TNS2: variants seen among roughly 807,000 people sequenced by gnomAD.
TNS2 encodes the protein tensin 2.
TNS2 carries 77 observed loss-of-function variants against 155.7 expected under a neutral mutation model. The observed-to-expected ratio is 0.49, with a 90% CI of 0.41 to 0.60. The LOEUF is 0.60. Among genes scored for constraint, TNS2 ranks in the 20% least tolerant of loss-of-function variants. TNS2 has a pLI of 0.00. For synonymous variants in TNS2, 726 were observed against 763.9 expected, an observed-to-expected ratio of 0.95 and a Z score of 0.82; for missense variants, 1,703 against 1,868.8, an observed-to-expected ratio of 0.91 and a Z score of 1.64.
rs763260776 is a variant in TNS2 at position 53,059,379 on chromosome 12, G to C, written c.1738G>C (p.Val580Leu). Residue 580 changes from valine (V) to leucine (L), a missense_variant, in exon 18 of 29, where the codon GTG (valine) becomes CTG (leucine). Physicochemically the swap from Val to Leu is conservative, Grantham distance 32. Coordinates refer to ENST00000314250, the MANE Select transcript of TNS2 (RefSeq NM_170754.4). The surrounding 1 kb of genome is among the most constrained non-coding windows in gnomAD (Gnocchi z 4.7). ...PTVGGGPHLG[V>L]YPGHRPGLSR... ...TGTGGGCGGAGGCCCCCACCTCGGA[G>C]TGTATCCAGGCCATAGGCCTGGCCT... 5.1e-4 allele frequency: 740 copies of C among 1,457,992 alleles called. 1 individual carries two copies. The highest frequency in any genetic ancestry group is 2.9e-3 in the Middle Eastern group (16 of 5,508). The allele number at this position is 1,457,992 out of a possible 1,614,324, so 90.3% of individuals were successfully genotyped here. A position where few individuals can be genotyped will look rare whatever the true frequency, so the allele number is the denominator to read the frequency against.
chr12:53,057,097 G>T lies in TNS2; in HGVS notation c.845+1G>T. On this transcript the variant is annotated splice_donor_variant, in intron 11 of 28. Coordinates refer to ENST00000314250, the MANE Select transcript of TNS2 (RefSeq NM_170754.4). LOFTEE classifies it high-confidence loss of function. ...CAGAACTGCAGCCCTCCCAGCGTCG[G>T]TGAGCAGCCTGGGTGGGGATGGGCC... is the stretch of plus-strand genomic sequence containing the variant. The T allele has an allele frequency of 6.2e-7, 1 of 1,611,680 alleles. No individual in the cohort carries two copies. Among genetic ancestry groups the T allele is most frequent in the African/African-American group, 1.3e-5 (1 of 74,996 alleles).
intron 10 of TNS2, 152 bp from the exon 11 acceptor site, chr12:53,056,861 T>C: frequency 1.5e-6 from 1 of 662,294 alleles, no homozygotes; most frequent in South Asian, 2.4e-5. Context: ...GTAAAGTGAC[T>C]GTACATGGTG....
Position 53,059,745 on chromosome 12 carries a change from G to C in TNS2, c.2104G>C (p.Ala702Pro), listed in dbSNP as rs1270033738. 1.9e-6 allele frequency: 3 copies of C among 1,613,016 alleles called. No individual in the cohort carries two copies. The highest frequency in any genetic ancestry group is 4.5e-5 in the East Asian group (2 of 44,862). Residue 702 changes from alanine to proline, a missense_variant, in exon 18 of 29, where the codon GCA becomes CCA. Transcript: ENST00000314250. This position sits in a 1 kb window ranked among gnomAD's most constrained non-coding sequence, Gnocchi z 4.7. The part of the protein sequence containing the change: ...ACEEKLALPT[A>P]ALYGLRLERE... ...CGAGGAGAAGCTGGCGCTGCCTACAGCAGCCTTGTATGGACTGCGGCTGGA... is the reference window on the plus strand; with the variant it reads ...CGAGGAGAAGCTGGCGCTGCCTACACCAGCCTTGTATGGACTGCGGCTGGA...
chr12:53,057,456 G>A (rs1565606425), intron 11 of TNS2, 111 bp from the exon 12 acceptor site: 2 of 844,290 alleles, frequency 2.4e-6, no homozygotes, highest in Non-Finnish European at 3.8e-6. Context: ...CGGAAGATGG[G>A]AAGGAAGTGT....
At position 53,060,226 on chromosome 12, in the gene TNS2, A is replaced by G. The variant is rs1391830289; in HGVS notation, c.2585A>G (p.His862Arg). 5.8e-6 allele frequency: 9 copies of G among 1,553,338 alleles called. No individual in the cohort carries two copies. Among genetic ancestry groups the G allele is most frequent in the Non-Finnish European group, 7.8e-6 (9 of 1,148,366 alleles). ...GGGGACAGGTACCCATTGCCTGGGC[A>G]CCTGGCCTCAGCAGGACCTTTGGCA... ...EGGDRYPLPG[H>R]LASAGPLASA... The change falls in exon 18 of 29, where the codon CAC becomes CGC. Residue 862 changes from histidine (H) to arginine (R), a missense_variant. Physicochemically the swap from His to Arg is conservative, Grantham distance 29 (BLOSUM62 0). Coordinates refer to ENST00000314250, the MANE Select transcript of TNS2 (RefSeq NM_170754.4). This position sits in a 1 kb window ranked among gnomAD's most constrained non-coding sequence, Gnocchi z 6.1.
Position 53,064,123 on chromosome 12 carries a change from G to T in TNS2, c.*241G>T. 2.0e-6 allele frequency: 1 copy of T among 508,890 alleles called. No individual in the cohort carries two copies. Among genetic ancestry groups the T allele is most frequent in the Non-Finnish European group, 3.5e-6 (1 of 287,196 alleles). 31.5% of individuals were successfully genotyped at this position (508,890 alleles called of 1,614,324 possible). A position where few individuals can be genotyped will look rare whatever the true frequency, so the allele number is the denominator to read the frequency against. On this transcript the variant is annotated 3_prime_UTR_variant, in exon 29 of 29. Transcript: ENST00000314250. The stretch of plus-strand genomic sequence containing the variant: ...AGATGGCAGAGATGGGTGTGTGAGG[G>T]GTGAGGAGGCATCAGCAGTTGAGCC...
chr12:53,058,704 C>A lies in TNS2; in HGVS notation c.1292-10C>A, dbSNP rs758098057. ...CCCCTGCTCCCCAATACCCGAGTGGCCTTCCACAGGCAGCACTCCACGGAA... is the reference window on the plus strand; with the variant it reads ...CCCCTGCTCCCCAATACCCGAGTGGACTTCCACAGGCAGCACTCCACGGAA... On this transcript the variant is annotated splice_polypyrimidine_tract_variant and intron_variant, in intron 16 of 28. Transcript: ENST00000314250. 18 of 1,613,896 alleles carry A rather than the reference C, an allele frequency of 1.1e-5. No homozygotes were observed. The Admixed American group carries it at 2.5e-4, about 22-fold the overall frequency.
chr12:53,054,386 G>A lies in TNS2; in HGVS notation c.467G>A (p.Gly156Asp), dbSNP rs201936963. 1.3e-5 allele frequency: 21 copies of A among 1,610,782 alleles called. No homozygotes were observed. Among genetic ancestry groups the A allele is most frequent in the South Asian group, 3.3e-5 (3 of 90,978 alleles). ...PARPDEQRHRGHLRELAHVLQ... is the reference protein window; with the variant it reads ...PARPDEQRHRDHLRELAHVLQ... ...CGGCCCGATGAACAGCGGCACCGGGGCCACCTGCGCGAGCTGGCCCATGTG... is the reference window on the plus strand; with the variant it reads ...CGGCCCGATGAACAGCGGCACCGGGACCACCTGCGCGAGCTGGCCCATGTG... The change falls in exon 7 of 29, where the codon GGC (glycine) becomes GAC (aspartate). Residue 156 changes from glycine to aspartate, a missense_variant. By Grantham distance (94) the Gly-to-Asp change is moderately conservative. Transcript: ENST00000314250.
In TNS2 at chr12:53,061,098, CACCAA is replaced by C; in HGVS notation, c.3193_3197del (p.Thr1065TrpfsTer3). ...CTTTCCCCCTGGCTGCCTCCTATGA[CACCAA>C]TGGCCTTAGCCAGCCCCCACTTCCT... On this transcript the variant is annotated frameshift_variant, in exon 20 of 29. Coordinates refer to ENST00000314250, the MANE Select transcript of TNS2 (RefSeq NM_170754.4). LOFTEE classifies it high-confidence loss of function. 1 of 1,611,358 alleles carries C rather than the reference CACCAA, an allele frequency of 6.2e-7. No individual in the cohort carries two copies. The highest frequency in any genetic ancestry group is 8.5e-7 in the Non-Finnish European group (1 of 1,178,766).
At chr12:53,047,516 G>A (rs1565598390), upstream of TNS2, among the ~76,000 whole-genome samples, 2 of 149,154 alleles carry the variant, frequency 1.3e-5, no homozygotes, top group Non-Finnish European at 3.0e-5. Context: ...GGCTGGGGCC[G>A]GGGGCTCTGG....
At position 53,058,759 on chromosome 12, in the gene TNS2, C is replaced by A; in HGVS notation, c.1337C>A (p.Thr446Asn). The change falls in exon 17 of 29, where the codon ACC becomes AAC. Residue 446 changes from threonine (T) to asparagine (N), a missense_variant. Physicochemically the swap from Thr to Asn is moderately conservative, Grantham distance 65 (BLOSUM62 0). Coordinates refer to ENST00000314250, the MANE Select transcript of TNS2 (RefSeq NM_170754.4). ...NDPSVSVDYN[T>N]TEPAVRWDSY... ...CCCTCGGTCTCTGTCGACTACAACA[C>A]CACTGAGCCAGCCGTGCGCTGGGAC... The A allele has an allele frequency of 6.2e-7, 1 of 1,614,008 alleles. No homozygotes were observed.
At chr12:53,058,887 T>A (rs754453887) in intron 17 of TNS2, 60 bp downstream of exon 17, 1 of 1,583,572 alleles carries the variant, frequency 6.3e-7, no homozygotes. Flanking sequence ...TGGGGGGTGG[T>A]GCCAGGGAGA....
chr12:53,055,385 C>T, intron 8 of TNS2, 149 bp downstream of exon 8: 1 of 1,164,978 alleles, frequency 8.6e-7, no homozygotes. Context: ...TGGAGACACC[C>T]CAAAACGTGA....
At position 53,053,776 on chromosome 12, in the gene TNS2, G is replaced by A. The variant is rs1944027791; in HGVS notation, c.264G>A (p.Arg88=). The part of the protein sequence containing the change: ...ACQALPPVEL[R]RNTAPVRRIE... ...TTTCCTCCCCCATCTCCCTCTAGCG[G>A]CGAAACACGGCCCCAGTCAGGCGCA... is the stretch of plus-strand genomic sequence containing the variant. The change falls in exon 5 of 29, where the codon CGG becomes CGA. Residue 88 remains arginine, a splice_region_variant and synonymous_variant. Transcript: ENST00000314250. 1 of 1,611,534 alleles carries A rather than the reference G, an allele frequency of 6.2e-7. No homozygotes were observed. The highest frequency in any genetic ancestry group is 1.1e-5 in the South Asian group (1 of 90,962).
At chr12:53,061,567 G>A (rs1944386648) in intron 21 of TNS2, 98 bp downstream of exon 21, 2 of 1,422,050 alleles carry the variant, frequency 1.4e-6, no homozygotes, top group Non-Finnish European at 2.0e-6. Flanking sequence ...GGCTCCTCCT[G>A]TCTGAGCTGT....
upstream of TNS2, chr12:53,048,854 A>G (rs1252924462): frequency 7.9e-6 from 2 of 253,386 alleles, no homozygotes; most frequent in Non-Finnish European, 7.5e-6. Flanking sequence ...GCAGGAAGCA[A>G]GTAGAAGGGA....
At position 53,055,627 on chromosome 12, in the gene TNS2, C is replaced by T. The variant is rs372742531; in HGVS notation, c.633C>T (p.Ile211=). 6.2e-7 allele frequency: 1 copy of T among 1,614,058 alleles called. No homozygotes were observed. Among genetic ancestry groups the T allele is most frequent in the East Asian group, 2.2e-5 (1 of 44,880 alleles). The part of the protein sequence containing the change: ...HAPPLDKLCS[I]CKAMETWLSA... The stretch of plus-strand genomic sequence containing the variant: ...CACCCCTGGACAAGCTGTGCTCCAT[C>T]TGCAAAGCCATGGAGACATGGCTCA... The change falls in exon 9 of 29, where the codon ATC becomes ATT. Residue 211 remains isoleucine (I), a synonymous_variant. Transcript: ENST00000314250.
intron 14 of TNS2, 30 bp downstream of exon 14, chr12:53,058,132 C>T: frequency 6.2e-7 from 1 of 1,613,986 alleles, no homozygotes; most frequent in South Asian, 1.1e-5. Context: ...CAAGAAGAAT[C>T]CTGGAGATGG....
chr12:53,061,151 C>T lies in TNS2; in HGVS notation c.3245C>T (p.Pro1082Leu), dbSNP rs1159096586. The T allele has an allele frequency of 8.7e-6, 14 of 1,608,508 alleles. No individual in the cohort carries two copies. Among genetic ancestry groups the T allele is most frequent in the Admixed American group, 1.7e-5 (1 of 59,394 alleles). Residue 1082 changes from proline (P) to leucine (L), a missense_variant, in exon 20 of 29, where the codon CCG (proline) becomes CTG (leucine). Coordinates refer to ENST00000314250, the MANE Select transcript of TNS2 (RefSeq NM_170754.4). ...CCTGAGAAACGCCACCTGCCCGGGC[C>T]GGGGCAACAGCCAGGACCCTGGGGC... ...PLPEKRHLPG[P>L]GQQPGPWGPE...
Sources: gnomAD v4.1 joint callset for allele counts (sites outside exome capture counted in the v4.1 genomes callset) on GRCh38, gnomAD v4.1.1 for gene constraint, Gnocchi (gnomAD v3.1) non-coding constraint, MANE v1.5 for transcripts, NCBI Gene and HGNC (gene_info 2026-07-23, HGNC 2026-07-21) for gene names.